The following STRIP2 variants were observed in gnomAD, a reference collection of about 807,000 sequenced individuals.
The protein encoded by STRIP2 is striatin-interacting protein 2.
In STRIP2, 84 loss-of-function variants were observed where a neutral mutation model predicts 107.1. The ratio of observed to expected loss-of-function variants is 0.78; its 90% CI spans 0.66 to 0.94. STRIP2 has a LOEUF of 0.94. Among genes scored for constraint, STRIP2 ranks in the 40% least tolerant of loss-of-function variants. The pLI is 0.00. For synonymous variants in STRIP2, 394 were observed against 400.4 expected (o/e 0.98, Z 0.19); for missense variants, 888 against 1,034.2 (o/e 0.86, Z 1.94).
chr7:129,486,002 C>G lies in STRIP2; in HGVS notation c.*173C>G, dbSNP rs1429512794. 4.3e-6 allele frequency: 3 copies of G among 701,928 alleles called. No homozygotes were observed. The highest frequency in any genetic ancestry group is 4.6e-6 in the Non-Finnish European group (2 of 433,210). 43.5% of individuals were successfully genotyped at this position (701,928 alleles called of 1,614,324 possible). ...ATCACAATAAAATGATCAACTTGCC[C>G]TGGGGTCAGTTGGGTGCCCAGTTGG... On this transcript the variant is annotated 3_prime_UTR_variant, in exon 21 of 21. Coordinates refer to ENST00000249344, the MANE Select transcript of STRIP2 (RefSeq NM_020704.3).
intron 16 of STRIP2, among the ~76,000 whole-genome samples, chr7:129,464,965 A>G (rs1262692359): frequency 2.6e-5 from 4 of 151,148 alleles, no homozygotes; most frequent in African/African-American, 9.7e-5. Context: ...GTTATCCCAG[A>G]GTTGTGGGTA....
intron 1 of STRIP2, among the ~76,000 whole-genome samples, chr7:129,435,659 A>G (rs1797716430): frequency 6.6e-6 from 1 of 152,202 alleles, no homozygotes; most frequent in Non-Finnish European, 1.5e-5. Context: ...AACACTGCCT[A>G]CCTCAGAAGG....
At position 129,459,534 on chromosome 7, in the gene STRIP2, T is replaced by A; in HGVS notation, c.1358T>A (p.Val453Asp). ...TTTTACAGGGACACAGATACATTGG[T>A]TGGATTACCCAGGCCCATCCATGAG... The part of the protein sequence containing the change: ...FTLGQDTDTL[V>D]GLPRPIHESV... Residue 453 changes from valine (V) to aspartate (D), a missense_variant, in exon 12 of 21, where the codon GTT becomes GAT. Physicochemically the swap from Val to Asp is radical, Grantham distance 152 (BLOSUM62 -3). Transcript: ENST00000249344. 1 of 1,614,028 alleles carries A rather than the reference T, an allele frequency of 6.2e-7. No individual in the cohort carries two copies. Among genetic ancestry groups the A allele is most frequent in the Non-Finnish European group, 8.5e-7 (1 of 1,179,974 alleles).
At chr7:129,446,219 G>A (rs1026337849) in intron 3 of STRIP2, among the ~76,000 whole-genome samples, 2 of 152,078 alleles carry the variant, frequency 1.3e-5, no homozygotes, top group African/African-American at 2.4e-5. Flanking sequence ...TCCACAGAAC[G>A]GGTCATCCTA....
At chr7:129,481,151 A>C (rs1221361956) in intron 19 of STRIP2, among the ~76,000 whole-genome samples, 1 of 152,194 alleles carries the variant, frequency 6.6e-6, no homozygotes, top group Admixed American at 6.5e-5. Context: ...TTTGGATTAC[A>C]TACATTCCCA....
chr7:129,484,936 G>A (rs1799209063), intron 20 of STRIP2, among the ~76,000 whole-genome samples: 1 of 152,196 alleles, frequency 6.6e-6, no homozygotes, highest in Non-Finnish European at 1.5e-5. Context: ...TAAGTGAATA[G>A]AAGCGAAACA....
chr7:129,442,518 A>C (rs1242831577), intron 2 of STRIP2, among the ~76,000 whole-genome samples: 1 of 152,194 alleles, frequency 6.6e-6, no homozygotes, highest in Non-Finnish European at 1.5e-5. Flanking sequence ...AAGATAATAC[A>C]CAGGTGTCTT....
At chr7:129,452,644 C>T (rs761881616) in intron 4 of STRIP2, among the ~76,000 whole-genome samples, 17 of 152,208 alleles carry the variant, frequency 1.1e-4, no homozygotes, top group Non-Finnish European at 2.1e-4. Flanking sequence ...GCTCCAGCCT[C>T]CTAAGTAGCT....
intron 18 of STRIP2, among the ~76,000 whole-genome samples, chr7:129,477,226 G>T (rs867682303): frequency 3.3e-5 from 3 of 89,668 alleles, no homozygotes; most frequent in Non-Finnish European, 5.1e-5. Context: ...GGGAGACTGT[G>T]GGGAGAGGGA....
Position 129,458,621 on chromosome 7 carries a change from G to A in STRIP2, c.1275-91G>A. 1 of 1,441,194 alleles carries A rather than the reference G, an allele frequency of 6.9e-7. No individual in the cohort carries two copies. The highest frequency in any genetic ancestry group is 9.7e-7 in the Non-Finnish European group (1 of 1,030,848). The allele number at this position is 1,441,194 out of a possible 1,614,324, so 89.3% of individuals were successfully genotyped here. A position where few individuals can be genotyped will look rare whatever the true frequency, so the allele number is the denominator to read the frequency against. On this transcript the variant is annotated intron_variant, in intron 10 of 20. Transcript: ENST00000249344. The surrounding 1 kb of genome is among the most constrained non-coding windows in gnomAD (Gnocchi z 4.6). ...CCTTTTTCCACTGCTCCAGTCCTCT[G>A]ATTGGAGGGATAGGAGCCCGGAAAG... is the stretch of plus-strand genomic sequence containing the variant.
chr7:129,457,362 G>A (rs2151001210), intron 9 of STRIP2, among the ~76,000 whole-genome samples: 1 of 152,254 alleles, frequency 6.6e-6, no homozygotes, highest in Non-Finnish European at 1.5e-5. Flanking sequence ...TCTCAACCTA[G>A]AAAAGGCCAA....
chr7:129,449,346 G>A (rs1296372420), intron 3 of STRIP2, among the ~76,000 whole-genome samples: 1 of 152,148 alleles, frequency 6.6e-6, no homozygotes, highest in Non-Finnish European at 1.5e-5. Flanking sequence ...ACCTCTAGGG[G>A]CCTGCCAGGA....
At chr7:129,482,377 A>ATTTTTTT (rs869099836) in intron 19 of STRIP2, among the ~76,000 whole-genome samples, 1 of 69,030 alleles carries the variant, frequency 1.4e-5, no homozygotes, top group Admixed American at 2.6e-4. Context: ...ATATATATAT[A>ATTTTTTT]TTTTTTTTTT....
chr7:129,456,354 C>G, intron 8 of STRIP2, 85 bp from the exon 9 acceptor site: 3 of 1,277,084 alleles, frequency 2.3e-6, no homozygotes, highest in Non-Finnish European at 3.4e-6. Context: ...GTGGCCCTTT[C>G]TTTTCATCCA....
intron 18 of STRIP2, among the ~76,000 whole-genome samples, chr7:129,480,537 G>T (rs1484368845): frequency 1.3e-5 from 2 of 152,202 alleles, no homozygotes; most frequent in African/African-American, 4.8e-5. Flanking sequence ...CCTGAATCAG[G>T]TTCCTGTGCT....
At chr7:129,472,775 CCT>C (rs1396075909) in intron 18 of STRIP2, among the ~76,000 whole-genome samples, 2,667 of 68,624 alleles carry the variant, frequency 0.039, 817 homozygotes, top group African/African-American at 0.059. Context: ...CTTTTCTTTT[CCT>C]TTTTTTTTTT....
At chr7:129,435,895 CT>C (rs1228809488) in intron 1 of STRIP2, among the ~76,000 whole-genome samples, 1 of 152,100 alleles carries the variant, frequency 6.6e-6, no homozygotes. Context: ...TTCATGTATG[CT>C]TTACATTTTG....
chr7:129,459,430 TG>T, intron 11 of STRIP2, 86 bp from the exon 12 acceptor site: 1 of 1,135,786 alleles, frequency 8.8e-7, no homozygotes, highest in South Asian at 1.2e-5. Context: ...GAAAGTAGCA[TG>T]GTCTGTTGAC....
chr7:129,485,470 AAAG>A, intron 20 of STRIP2, 106 bp from the exon 21 acceptor site: 28 of 1,276,360 alleles, frequency 2.2e-5, no homozygotes, highest in Non-Finnish European at 2.8e-5. Flanking sequence ...AAAAAAAAAA[AAAG>A]AATTTCTGAG....
Sources: gnomAD v4.1 joint callset for allele counts (sites outside exome capture counted in the v4.1 genomes callset) on GRCh38, gnomAD v4.1.1 for gene constraint, Gnocchi (gnomAD v3.1) non-coding constraint, MANE v1.5 for transcripts, NCBI Gene and HGNC (gene_info 2026-07-23, HGNC 2026-07-21) for gene names.